EYS: variants seen among roughly 807,000 people sequenced by gnomAD.
EYS encodes protein eyes shut homolog.
Under a neutral mutation model 282.1 loss-of-function variants are expected in EYS, and 250 were observed. The ratio of observed to expected loss-of-function variants is 0.89; its 90% confidence interval spans 0.80 to 0.98. The LOEUF is 0.98. Ranked by LOEUF, EYS falls within the 50% of genes least tolerant of loss-of-function variation. The pLI is 0.00. For synonymous variants in EYS, 1,355 were observed against 1,282.9 expected, an observed-to-expected ratio of 1.06 and a Z score of -1.20; for missense variants, 4,016 against 3,709.0, an observed-to-expected ratio of 1.08 and a Z score of -2.15.
chr6:64,593,929 T>C (rs1280691187), intron 24 of EYS, among the ~76,000 whole-genome samples: 4 of 152,190 alleles, frequency 2.6e-5, no homozygotes, highest in Non-Finnish European at 5.9e-5. Flanking sequence ...GATACGTTTA[T>C]AAATGTAGAG....
intron 12 of EYS, among the ~76,000 whole-genome samples, chr6:65,099,099 T>A (rs1380765089): frequency 6.6e-6 from 1 of 150,678 alleles, no homozygotes; most frequent in Non-Finnish European, 1.5e-5. Context: ...TCTATATATA[T>A]ACATAAACAC....
intron 12 of EYS, among the ~76,000 whole-genome samples, chr6:65,261,329 T>C (rs938979549): frequency 5.9e-5 from 9 of 151,962 alleles, no homozygotes; most frequent in Non-Finnish European, 8.8e-5. Flanking sequence ...ATATGTCTGA[T>C]ATAATTTTTA....
chr6:64,778,590 C>G (rs1418533512), intron 22 of EYS, among the ~76,000 whole-genome samples: 1 of 152,080 alleles, frequency 6.6e-6, no homozygotes, highest in Non-Finnish European at 1.5e-5. Flanking sequence ...GTGGCTTGGT[C>G]AAGAGAATGA....
At chr6:65,115,743 C>G (rs1425276907) in intron 12 of EYS, among the ~76,000 whole-genome samples, 1 of 151,684 alleles carries the variant, frequency 6.6e-6, no homozygotes, top group Non-Finnish European at 1.5e-5. Flanking sequence ...CCACCGGAGG[C>G]CATCCTTAAT....
chr6:64,153,679 C>G (rs906835116), intron 31 of EYS, among the ~76,000 whole-genome samples: 1 of 152,002 alleles, frequency 6.6e-6, no homozygotes, highest in African/African-American at 2.4e-5. Context: ...TGTGGAGACA[C>G]AAGAACTGTC....
At chr6:64,858,828 A>T (rs1319124555) in intron 19 of EYS, among the ~76,000 whole-genome samples, 1 of 152,162 alleles carries the variant, frequency 6.6e-6, no homozygotes, top group Non-Finnish European at 1.5e-5. Context: ...GCATAAAGGG[A>T]ATGTACCTCA....
intron 1 of EYS, among the ~76,000 whole-genome samples, chr6:65,652,473 C>T (rs1274935211): frequency 2.0e-5 from 3 of 151,846 alleles, no homozygotes; most frequent in Non-Finnish European, 4.4e-5. Flanking sequence ...CATTGGATGG[C>T]TTGTTGGTGT....
chr6:65,044,198 C>T (rs756052104), intron 13 of EYS, among the ~76,000 whole-genome samples: 1 of 151,630 alleles, frequency 6.6e-6, no homozygotes, highest in African/African-American at 2.4e-5. Context: ...TTTTGAGAAA[C>T]GTCTGTTCAG....
At chr6:63,968,786 TAA>T (rs1339978250) in intron 35 of EYS, among the ~76,000 whole-genome samples, 2 of 152,210 alleles carry the variant, frequency 1.3e-5, no homozygotes, top group African/African-American at 2.4e-5. Flanking sequence ...TCACCACTAT[TAA>T]GTCTCCACTC....
intron 13 of EYS, among the ~76,000 whole-genome samples, chr6:65,011,968 A>C (rs1771887255): frequency 6.6e-6 from 1 of 152,250 alleles, no homozygotes; most frequent in Non-Finnish European, 1.5e-5. Flanking sequence ...TGCAACAGCA[A>C]AAAAAAGAAA....
intron 15 of EYS, among the ~76,000 whole-genome samples, chr6:64,936,981 G>A (rs1374985896): frequency 6.6e-6 from 1 of 151,262 alleles, no homozygotes; most frequent in Admixed American, 6.6e-5. Flanking sequence ...TAGAATAGAG[G>A]GTCTAGAAAT....
Position 64,330,027 on chromosome 6 carries a change from G to A in EYS, c.6079-22945C>T, listed in dbSNP as rs139484928. ...GAAAAACTCCCCAACCATTTTCAAG[G>A]AAGCACTAGCCCAGACCTGAAGGCT... is the stretch of plus-strand genomic sequence containing the variant. On this transcript the variant is annotated intron_variant, in intron 29 of 42. Coordinates refer to ENST00000503581, the MANE Select transcript of EYS (RefSeq NM_001142800.2). 3.5e-3 allele frequency among the ~76,000 whole-genome samples: 536 copies of A among 152,218 alleles called. 3 individuals carry two copies. The highest frequency in any genetic ancestry group is 0.012 in the African/African-American group (515 of 41,538).
chr6:64,374,147 A>G (rs1178682995), intron 29 of EYS, among the ~76,000 whole-genome samples: 1 of 138,600 alleles, frequency 7.2e-6, no homozygotes, highest in Non-Finnish European at 1.5e-5. Context: ...CTGGGCTGAA[A>G]GCTGGTGCCA....
chr6:65,150,390 G>A (rs1764583868), intron 12 of EYS, among the ~76,000 whole-genome samples: 1 of 151,792 alleles, frequency 6.6e-6, no homozygotes, highest in Admixed American at 6.6e-5. Context: ...ATATGAAGAT[G>A]ACTTATTTTC....
In EYS at chr6:63,721,246, G is replaced by C. The variant is rs909275009; in HGVS notation, c.8785C>G (p.Pro2929Ala). The C allele has an allele frequency of 5.2e-6, 8 of 1,551,824 alleles. No homozygotes were observed. The highest frequency in any genetic ancestry group is 6.1e-6 in the Non-Finnish European group (7 of 1,146,940). Residue 2929 changes from proline (P) to alanine (A), a missense_variant, in exon 43 of 43, where the codon CCT (proline) becomes GCT (alanine). Pro to Ala is a conservative substitution (Grantham distance 27). Coordinates refer to ENST00000503581, the MANE Select transcript of EYS (RefSeq NM_001142800.2). The part of the protein sequence containing the change: ...NLCLHQSLCI[P>A]DQSFSYSCLC... ...CAACTGTAAGAAAATGATTGGTCAG[G>C]TATACATAAAGATTGGTGGAGGCAA...
At chr6:64,861,783 T>C (rs12664237) in intron 19 of EYS, among the ~76,000 whole-genome samples, 1 of 152,290 alleles carries the variant, frequency 6.6e-6, no homozygotes, top group Admixed American at 6.5e-5. Context: ...ACATAATACA[T>C]CTTTGCTATT....
intron 22 of EYS, among the ~76,000 whole-genome samples, chr6:64,779,442 A>C (rs942417695): frequency 6.6e-6 from 1 of 152,052 alleles, no homozygotes; most frequent in Non-Finnish European, 1.5e-5. Context: ...GAAAGAAAAA[A>C]CCATGGAGAC....
At position 65,588,792 on chromosome 6, in the gene EYS, T is replaced by G. The variant is rs189773608; in HGVS notation, c.-333+50986A>C. Among the ~76,000 whole-genome samples, 166 of 152,136 alleles carry G rather than the reference T, an allele frequency of 1.1e-3. 1 individual carries two copies. Among genetic ancestry groups the G allele is most frequent in the Middle Eastern group, 0.01 (3 of 294 alleles). On this transcript the variant is annotated intron_variant, in intron 2 of 42. Transcript: ENST00000503581. The stretch of plus-strand genomic sequence containing the variant: ...TTGCAGGATTCTATAACTCCTAAAC[T>G]AACATTCTGCAGATGGCATGCCAAT...
In EYS at chr6:65,130,272, T is replaced by C. The variant is rs77651058; in HGVS notation, c.2024-72545A>G. On this transcript the variant is annotated intron_variant, in intron 12 of 42. Transcript: ENST00000503581. ...ACCTTAGCATTATGCAATATACTTA[T>C]GTAATAAATCTGCACATGTACTCTC... Among the ~76,000 whole-genome samples, 952 of 151,964 alleles carry C rather than the reference T, an allele frequency of 6.3e-3. 12 individuals carry two copies. The highest frequency in any genetic ancestry group is 0.022 in the African/African-American group (902 of 41,524).
Sources: allele counts gnomAD v4.1 joint callset (sites outside exome capture counted in the v4.1 genomes callset), GRCh38; gene constraint gnomAD v4.1.1; transcripts MANE v1.5; gene names NCBI Gene and HGNC (gene_info 2026-07-23, HGNC 2026-07-21).